KANSL1: variants seen among roughly 807,000 people sequenced by gnomAD.
KANSL1 encodes the protein MLL1/MLL complex subunit KANSL1.
In KANSL1, 22 loss-of-function variants were observed where a neutral mutation model predicts 103.6. That is an observed-to-expected ratio of 0.21 (90% CI 0.15 to 0.30). KANSL1 has a LOEUF of 0.30. KANSL1 is among the 10% of genes least tolerant of loss of function. KANSL1 has a pLI of 1.00. For missense variants in KANSL1, 1,337 were observed against 1,399.8 expected, an observed-to-expected ratio of 0.96 and a Z score of 0.72; for synonymous variants, 600 against 527.6, an observed-to-expected ratio of 1.14 and a Z score of -1.88.
At chr17:46,147,933 G>A (rs1045931798) in intron 2 of KANSL1, among the ~76,000 whole-genome samples, 2 of 152,196 alleles carry the variant, frequency 1.3e-5, no homozygotes, top group Non-Finnish European at 2.9e-5. Context: ...GTGTATTTAG[G>A]GTAGAAATAA....
At chr17:46,062,354 GCTTTTTTTTT>G (rs1212982695) in intron 6 of KANSL1, among the ~76,000 whole-genome samples, 16 of 109,642 alleles carry the variant, frequency 1.5e-4, no homozygotes, top group African/African-American at 4.8e-4. Context: ...TATAACAACA[GCTTTTTTTTT>G]TTTTTTTTTT....
chr17:46,079,299 A>G (rs553104922), intron 4 of KANSL1, among the ~76,000 whole-genome samples: 3 of 152,342 alleles, frequency 2.0e-5, no homozygotes, highest in Non-Finnish European at 4.4e-5. Flanking sequence ...TCAATAAACA[A>G]TCATCCTGTT....
chr17:46,084,110 G>A (rs1212881795), intron 3 of KANSL1, among the ~76,000 whole-genome samples: 2 of 140,906 alleles, frequency 1.4e-5, no homozygotes, highest in Admixed American at 7.3e-5. Flanking sequence ...CCGGAATGGC[G>A]GCTCACACCT....
chr17:46,102,488 G>A (rs1258250910), intron 2 of KANSL1, among the ~76,000 whole-genome samples: 1 of 152,116 alleles, frequency 6.6e-6, no homozygotes, highest in Non-Finnish European at 1.5e-5. Context: ...GACCTCAAAT[G>A]ATCCGTCTGC....
chr17:46,037,139 G>T (rs1045244988), intron 10 of KANSL1, among the ~76,000 whole-genome samples: 14 of 152,102 alleles, frequency 9.2e-5, no homozygotes, highest in African/African-American at 2.7e-4. Flanking sequence ...AGTGATCCAG[G>T]CCTAAGTTAA....
chr17:46,181,332 T>C (rs574693628), intron 1 of KANSL1, among the ~76,000 whole-genome samples: 1 of 152,338 alleles, frequency 6.6e-6, no homozygotes, highest in South Asian at 2.1e-4. Flanking sequence ...TCAGCTCCTG[T>C]CTAGATTATC....
At chr17:46,222,759 C>T (rs2048570557) in intron 1 of KANSL1, 1 of 152,458 alleles carries the variant, frequency 6.6e-6, no homozygotes, top group Non-Finnish European at 1.5e-5. Flanking sequence ...TAGTATCCTA[C>T]TCTGAAGAAA....
upstream of KANSL1, chr17:46,193,663 GC>G: frequency 6.5e-6 from 2 of 308,928 alleles, no homozygotes; most frequent in Admixed American, 3.9e-5. Context: ...GCGGCGCCCG[GC>G]CCCAGCTGCC....
At chr17:46,052,476 G>A (rs2077742918) in intron 6 of KANSL1, among the ~76,000 whole-genome samples, 1 of 151,874 alleles carries the variant, frequency 6.6e-6, no homozygotes, top group South Asian at 2.1e-4. Context: ...GTGGTGGTGG[G>A]AGCCTGTAAT....
chr17:46,063,417 C>T (rs990444342), intron 6 of KANSL1, among the ~76,000 whole-genome samples: 1 of 152,202 alleles, frequency 6.6e-6, no homozygotes, highest in African/African-American at 2.4e-5. Flanking sequence ...AAGATGCTTG[C>T]TCATCAGCAA....
At chr17:46,116,910 T>C (rs1262712801) in intron 2 of KANSL1, among the ~76,000 whole-genome samples, 1 of 152,210 alleles carries the variant, frequency 6.6e-6, no homozygotes, top group Non-Finnish European at 1.5e-5. Flanking sequence ...ATATTTTAAA[T>C]GGCAAAATAA....
chr17:46,130,372 A>T (rs1016357906), intron 2 of KANSL1, among the ~76,000 whole-genome samples: 2 of 152,144 alleles, frequency 1.3e-5, no homozygotes, highest in Non-Finnish European at 2.9e-5. Context: ...TACAGCAATA[A>T]AGTTTAAAGT....
At chr17:46,136,525 G>C (rs1377645896) in intron 2 of KANSL1, among the ~76,000 whole-genome samples, 1 of 152,232 alleles carries the variant, frequency 6.6e-6, no homozygotes, top group African/African-American at 2.4e-5. Flanking sequence ...AATCAGCACT[G>C]ACTTCCTCAA....
At chr17:46,214,093 C>T (rs887212214) in intron 1 of KANSL1, among the ~76,000 whole-genome samples, 5 of 152,190 alleles carry the variant, frequency 3.3e-5, no homozygotes, top group African/African-American at 1.2e-4. Flanking sequence ...GGTCAGCAAA[C>T]TAGTTCTCTT....
intron 1 of KANSL1, among the ~76,000 whole-genome samples, chr17:46,186,199 C>T (rs1304517060): frequency 1.3e-5 from 2 of 150,924 alleles, no homozygotes; most frequent in African/African-American, 4.9e-5. Context: ...CACAGTGAAA[C>T]CCCGTCTCTA....
Position 46,062,355 on chromosome 17 carries a change from C to CTTTT in KANSL1, c.1848+4178_1848+4181dup, listed in dbSNP as rs34577730. Among the ~76,000 whole-genome samples the CTTTT allele has an allele frequency of 8.3e-4, 79 of 95,450 alleles. 7 individuals are homozygous for CTTTT. The East Asian group carries it at 0.011, about 14-fold the overall frequency. 62.6% of individuals were successfully genotyped at this position (95,450 alleles called of 152,430 possible). On this transcript the variant is annotated intron_variant, in intron 6 of 14. Coordinates refer to ENST00000432791, the MANE Select transcript of KANSL1 (RefSeq NM_015443.4). ...AGAAGTACAAGTGATATAACAACAG[C>CTTTT]TTTTTTTTTTTTTTTTTTTTTTTAG...
chr17:46,099,367 T>C (rs2146992950), intron 2 of KANSL1, among the ~76,000 whole-genome samples: 1 of 151,086 alleles, frequency 6.6e-6, no homozygotes, highest in East Asian at 1.9e-4. Context: ...ATACAAGCTA[T>C]ATAAACTCAG....
intron 13 of KANSL1, chr17:46,032,694 G>A (rs573091412): frequency 1.4e-4 from 46 of 328,828 alleles, no homozygotes; most frequent in South Asian, 3.0e-4. Context: ...AGTGATGGAC[G>A]TTAAGGGGGG....
At chr17:46,217,611 G>A (rs1175390406) in intron 1 of KANSL1, among the ~76,000 whole-genome samples, 4 of 151,004 alleles carry the variant, frequency 2.6e-5, no homozygotes, top group Non-Finnish European at 5.9e-5. Context: ...CAGGGAGGCT[G>A]GGCGCCGTGG....
Sources: allele counts gnomAD v4.1 joint callset (sites outside exome capture counted in the v4.1 genomes callset), GRCh38; gene constraint gnomAD v4.1.1; transcripts MANE v1.5; gene names NCBI Gene and HGNC (gene_info 2026-07-23, HGNC 2026-07-21).